Variants in CEP350 observed in about 807,000 individuals in gnomAD.
The protein encoded by CEP350 is centrosome-associated protein 350.
In CEP350, 126 loss-of-function variants were observed where a neutral mutation model predicts 331.8. The observed-to-expected ratio is 0.38, with a 90% CI of 0.33 to 0.44. The LOEUF (loss-of-function observed/expected upper bound fraction) is 0.44, where lower values mean the gene tolerates loss of function less well. CEP350 is among the 20% of genes least tolerant of loss of function. The pLI, the probability that CEP350 is intolerant of heterozygous loss-of-function variation, is 1.00. For synonymous variants in CEP350, 1,200 were observed against 1,259.5 expected, an observed-to-expected ratio of 0.95 and a Z score of 1.00; for missense variants, 3,406 against 3,634.6, an observed-to-expected ratio of 0.94 and a Z score of 1.62.
chr1:180,108,825 T>C (rs931311916), intron 37 of CEP350, among the ~76,000 whole-genome samples: 2 of 152,146 alleles, frequency 1.3e-5, no homozygotes, highest in African/African-American at 4.8e-5. Flanking sequence ...ACAATGTAAC[T>C]CTCCCAGAGG....
chr1:180,022,126 G>T (rs1003961551), intron 12 of CEP350, among the ~76,000 whole-genome samples: 4 of 152,132 alleles, frequency 2.6e-5, no homozygotes, highest in Non-Finnish European at 4.4e-5. Context: ...TAATGGTCTT[G>T]TATAGACCTT....
chr1:180,044,783 A>T (rs566432889), intron 21 of CEP350, among the ~76,000 whole-genome samples: 123 of 151,768 alleles, frequency 8.1e-4, no homozygotes, highest in African/African-American at 2.7e-3. Flanking sequence ...CATATGTAAC[A>T]AACCTGCACA....
Position 180,003,280 on chromosome 1 carries a change from C to T in CEP350, c.1125C>T (p.His375=). The change falls in exon 7 of 38, where the codon CAC becomes CAT. Residue 375 remains histidine (H), a synonymous_variant. Transcript: ENST00000367607. ...SRELYRDLAL[H]FADDISIKEK... Reference sequence around the variant, plus strand: ...AACTGTATCGAGATTTAGCACTTCACTTTGCAGGTGAGAATAGAGCTTTCT... The same window carrying T: ...AACTGTATCGAGATTTAGCACTTCATTTTGCAGGTGAGAATAGAGCTTTCT... 1 of 1,600,178 alleles carries T rather than the reference C, an allele frequency of 6.2e-7. No homozygotes were observed. The highest frequency in any genetic ancestry group is 8.5e-7 in the Non-Finnish European group (1 of 1,169,918).
chr1:179,959,277 C>T (rs1362240134), intron 1 of CEP350, among the ~76,000 whole-genome samples: 1 of 151,698 alleles, frequency 6.6e-6, no homozygotes. Context: ...GCCAACAAGG[C>T]GAAACCCATC....
chr1:180,081,669 G>A (rs1659574446), intron 30 of CEP350, among the ~76,000 whole-genome samples: 1 of 152,126 alleles, frequency 6.6e-6, no homozygotes, highest in Admixed American at 6.5e-5. Flanking sequence ...CTTGCTCCTA[G>A]GCTGTAATAC....
At chr1:180,026,270 CAA>C (rs529383708) in intron 14 of CEP350, among the ~76,000 whole-genome samples, 79 of 124,996 alleles carry the variant, frequency 6.3e-4, no homozygotes, top group East Asian at 3.5e-3. Flanking sequence ...GACTCTGTGT[CAA>C]AAAAAAAAAA....
At chr1:180,017,585 T>G (rs1018860113) in intron 11 of CEP350, among the ~76,000 whole-genome samples, 1 of 152,198 alleles carries the variant, frequency 6.6e-6, no homozygotes, top group Non-Finnish European at 1.5e-5. Context: ...CCATACTACC[T>G]TGTACCAGTT....
At chr1:180,057,672 G>A (rs933383521) in intron 25 of CEP350, among the ~76,000 whole-genome samples, 18 of 151,950 alleles carry the variant, frequency 1.2e-4, no homozygotes, top group African/African-American at 4.1e-4. Flanking sequence ...GCTATTTTAT[G>A]AGAGTTTTCT....
In CEP350 at chr1:180,022,719, G is replaced by A; in HGVS notation, c.3257G>A (p.Arg1086Lys). 1 of 1,612,472 alleles carries A rather than the reference G, an allele frequency of 6.2e-7. No individual in the cohort carries two copies. The highest frequency in any genetic ancestry group is 8.5e-7 in the Non-Finnish European group (1 of 1,179,228). Residue 1086 changes from arginine (R) to lysine (K), a missense_variant, in exon 13 of 38, where the codon AGA becomes AAA. Transcript: ENST00000367607. ...YGKGFEDKLD[R>K]GTSTSRPLNA... ...TCAGGGTTTGAAGACAAGTTGGACA[G>A]AGGAACATCAACATCACGGCCTTTG... is the stretch of plus-strand genomic sequence containing the variant.
chr1:179,968,487 A>C (rs1249380936), intron 1 of CEP350, among the ~76,000 whole-genome samples: 1 of 152,078 alleles, frequency 6.6e-6, no homozygotes, highest in Non-Finnish European at 1.5e-5. Flanking sequence ...TGCATTAAGG[A>C]GTCATTAAAG....
At chr1:179,989,110 T>C (rs980651894) in intron 3 of CEP350, among the ~76,000 whole-genome samples, 1 of 152,096 alleles carries the variant, frequency 6.6e-6, no homozygotes, top group Non-Finnish European at 1.5e-5. Flanking sequence ...TGTAGAACTA[T>C]TAATATATCA....
chr1:180,015,944 C>T lies in CEP350; in HGVS notation c.2148C>T (p.Leu716=), dbSNP rs201284671. The change falls in exon 11 of 38, where the codon CTC becomes CTT. Residue 716 remains leucine, a synonymous_variant. Transcript: ENST00000367607. Reference sequence around the variant, plus strand: ...CATCTTCCAGTAGTGACATGTCTCTCTCAGAACCTCCACAGCCTCTTGCAA... The same window carrying T: ...CATCTTCCAGTAGTGACATGTCTCTTTCAGAACCTCCACAGCCTCTTGCAA... ...PSASSSSDMS[L]SEPPQPLARK... 4 of 1,613,848 alleles carry T rather than the reference C, an allele frequency of 2.5e-6. No individual in the cohort carries two copies. The highest frequency in any genetic ancestry group is 3.4e-6 in the Non-Finnish European group (4 of 1,179,782).
At chr1:180,092,336 G>A (rs1485623919) in intron 33 of CEP350, among the ~76,000 whole-genome samples, 1 of 152,128 alleles carries the variant, frequency 6.6e-6, no homozygotes, top group Non-Finnish European at 1.5e-5. Context: ...AATGTGCAAA[G>A]CAATGGTTCC....
At chr1:179,970,271 A>C (rs1180472737) in intron 1 of CEP350, among the ~76,000 whole-genome samples, 1 of 152,212 alleles carries the variant, frequency 6.6e-6, no homozygotes, top group Non-Finnish European at 1.5e-5. Context: ...ACAGTAAGTC[A>C]CTCAGTTTTT....
chr1:179,996,724 C>T lies in CEP350; in HGVS notation c.567C>T (p.Ile189=). 6.2e-7 allele frequency: 1 copy of T among 1,613,430 alleles called. No homozygotes were observed. The highest frequency in any genetic ancestry group is 2.2e-5 in the East Asian group (1 of 44,866). ...CDFESSQSSV[I]NDTVVRFLND... is the part of the protein sequence containing the mutation. Reference sequence around the variant, plus strand: ...TTGAGAGCTCCCAATCATCTGTCATCAATGATACAGTTGTTAGGTTTTTAA... The same window carrying T: ...TTGAGAGCTCCCAATCATCTGTCATTAATGATACAGTTGTTAGGTTTTTAA... The change falls in exon 6 of 38, where the codon ATC becomes ATT. Residue 189 remains isoleucine, a synonymous_variant. Coordinates refer to ENST00000367607, the MANE Select transcript of CEP350 (RefSeq NM_014810.5).
chr1:180,043,673 G>A (rs1489544837), intron 20 of CEP350, among the ~76,000 whole-genome samples: 1 of 152,134 alleles, frequency 6.6e-6, no homozygotes, highest in Non-Finnish European at 1.5e-5. Context: ...TCAGATCAAG[G>A]TATAGGACCT....
At chr1:180,039,045 C>T (rs1008436699) in intron 17 of CEP350, among the ~76,000 whole-genome samples, 3 of 147,650 alleles carry the variant, frequency 2.0e-5, no homozygotes, top group Non-Finnish European at 4.5e-5. Flanking sequence ...GGCGAAATCC[C>T]GTCTCTACTA....
At chr1:180,051,009 A>G (rs58605404) in intron 22 of CEP350, among the ~76,000 whole-genome samples, 2,559 of 152,288 alleles carry the variant, frequency 0.017, 73 homozygotes, top group African/African-American at 0.058. Context: ...TAACCATACA[A>G]TCCAGCAGTC....
At chr1:180,082,575 A>G (rs1659641503) in intron 30 of CEP350, among the ~76,000 whole-genome samples, 1 of 152,120 alleles carries the variant, frequency 6.6e-6, no homozygotes, top group South Asian at 2.1e-4. Flanking sequence ...TTTGCCTACC[A>G]AAATGCTGGG....
Sources: gnomAD v4.1 joint callset for allele counts (sites outside exome capture counted in the v4.1 genomes callset) on GRCh38, gnomAD v4.1.1 for gene constraint, MANE v1.5 for transcripts, NCBI Gene and HGNC (gene_info 2026-07-23, HGNC 2026-07-21) for gene names.